Variants in MEF2C observed in about 807,000 individuals in gnomAD.
MEF2C encodes the protein myocyte enhancer factor 2C, also known as myocyte-specific enhancer factor 2C.
MEF2C carries 6 observed loss-of-function variants against 50.5 expected under a neutral mutation model. The ratio of observed to expected loss-of-function variants is 0.12; its 90% confidence interval spans 0.07 to 0.23. The LOEUF is 0.23. Ranked by LOEUF, MEF2C falls within the 10% of genes least tolerant of loss-of-function variation. MEF2C has a pLI of 1.00. For missense variants in MEF2C, 276 were observed against 605.0 expected (o/e 0.46, Z 5.70); for synonymous variants, 183 against 228.0 (o/e 0.80, Z 1.78).
chr5:88,747,601 G>A lies in MEF2C; in HGVS notation c.637+1469C>T, dbSNP rs1190571795. Among the ~76,000 whole-genome samples, 2 of 94,642 alleles carry A rather than the reference G, an allele frequency of 2.1e-5. 1 individual carries two copies. Among genetic ancestry groups the A allele is most frequent in the Non-Finnish European group, 4.6e-5 (2 of 43,738 alleles). The allele number at this position is 94,642 out of a possible 152,430, so 62.1% of individuals were successfully genotyped here. A position where few individuals can be genotyped will look rare whatever the true frequency, so the allele number is the denominator to read the frequency against. ...CCTGACCTCGTGATCCGCCCGCCTC[G>A]GCCTCCCAAAGTGCTGGGATTACAG... On this transcript the variant is annotated intron_variant, in intron 6 of 10. Coordinates refer to ENST00000504921, the MANE Select transcript of MEF2C (RefSeq NM_002397.5).
At chr5:88,808,803 A>G (rs1045171689) in intron 2 of MEF2C, among the ~76,000 whole-genome samples, 5 of 152,270 alleles carry the variant, frequency 3.3e-5, no homozygotes, top group South Asian at 2.1e-4. Context: ...ATGCCACTCA[A>G]TAACAAAGAT....
At chr5:88,743,416 T>C in intron 6 of MEF2C, 1 of 985,370 alleles carries the variant, frequency 1.0e-6, no homozygotes, top group Non-Finnish European at 1.2e-6. Context: ...AAACAAATAC[T>C]TGCAAAACAA....
intron 1 of MEF2C, among the ~76,000 whole-genome samples, chr5:88,840,950 C>T (rs1003371245): frequency 6.6e-6 from 1 of 152,146 alleles, no homozygotes; most frequent in African/African-American, 2.4e-5. Flanking sequence ...ATTCTCATAG[C>T]ACCAGTTCTT....
At chr5:88,766,779 C>A in intron 3 of MEF2C, 1 of 985,316 alleles carries the variant, frequency 1.0e-6, no homozygotes, top group Non-Finnish European at 1.2e-6. Context: ...GTGTCAAGAA[C>A]ACATGCAGGA....
chr5:88,866,717 T>C (rs1183813442), intron 1 of MEF2C, among the ~76,000 whole-genome samples: 2 of 152,232 alleles, frequency 1.3e-5, no homozygotes, highest in Non-Finnish European at 2.9e-5. Context: ...TCAGTAGTTA[T>C]TTCACATCTA....
intron 10 of MEF2C, among the ~76,000 whole-genome samples, chr5:88,723,657 G>A (rs42850): frequency 0.46 from 70,440 of 152,068 alleles, 18,575 homozygotes; most frequent in East Asian, 0.59. Flanking sequence ...AGTTACATGA[G>A]ATGAAAATAC....
At chr5:88,861,995 T>C (rs958453853) in intron 1 of MEF2C, among the ~76,000 whole-genome samples, 2 of 152,200 alleles carry the variant, frequency 1.3e-5, no homozygotes, top group Non-Finnish European at 2.9e-5. Flanking sequence ...CACTGGGAAA[T>C]GGTATTAGTA....
chr5:88,794,230 A>G (rs905000049), intron 3 of MEF2C, among the ~76,000 whole-genome samples: 3 of 152,216 alleles, frequency 2.0e-5, no homozygotes, highest in Admixed American at 6.5e-5. Context: ...ACTGTCTTCC[A>G]CAATGGTTGA....
chr5:88,812,281 A>G (rs1239376675), intron 2 of MEF2C, among the ~76,000 whole-genome samples: 2 of 152,166 alleles, frequency 1.3e-5, no homozygotes, highest in Admixed American at 6.5e-5. Context: ...GGCTAAATAA[A>G]TAAATGTTGA....
chr5:88,794,094 G>A (rs147943889), intron 3 of MEF2C, among the ~76,000 whole-genome samples: 129 of 152,158 alleles, frequency 8.5e-4, no homozygotes, highest in African/African-American at 2.7e-3. Context: ...GAATAGTGCC[G>A]CAATAAACAT....
intron 1 of MEF2C, among the ~76,000 whole-genome samples, chr5:88,857,127 A>G (rs1823716520): frequency 6.6e-6 from 1 of 152,236 alleles, no homozygotes; most frequent in East Asian, 1.9e-4. Context: ...CACCTTTTGC[A>G]TCAGCATGAC....
At chr5:88,857,322 C>T (rs973733086) in intron 1 of MEF2C, among the ~76,000 whole-genome samples, 1 of 152,090 alleles carries the variant, frequency 6.6e-6, no homozygotes, top group South Asian at 2.1e-4. Context: ...AACTAACATG[C>T]TTTTGATTTT....
At chr5:88,810,805 G>C (rs1802456538) in intron 2 of MEF2C, among the ~76,000 whole-genome samples, 1 of 152,072 alleles carries the variant, frequency 6.6e-6, no homozygotes, top group Non-Finnish European at 1.5e-5. Flanking sequence ...AGGAAGGCAG[G>C]CTTATCAGAT....
At chr5:88,825,743 A>G (rs151019645) in intron 1 of MEF2C, 3 of 483,612 alleles carry the variant, frequency 6.2e-6, no homozygotes, top group Middle Eastern at 1.1e-3. Flanking sequence ...GTGTGTTAGA[A>G]TGGTATTTCC....
chr5:88,742,190 G>C (rs1767146694), intron 6 of MEF2C: 1 of 985,206 alleles, frequency 1.0e-6, no homozygotes, highest in Non-Finnish European at 1.2e-6. Flanking sequence ...CCCCCCTTCA[G>C]CATCTGCTCT....
chr5:88,867,316 G>A (rs1000811439), intron 1 of MEF2C, among the ~76,000 whole-genome samples: 1 of 152,138 alleles, frequency 6.6e-6, no homozygotes, highest in African/African-American at 2.4e-5. Context: ...TTATCTAACA[G>A]ATAAGATCAT....
upstream of MEF2C, among the ~76,000 whole-genome samples, chr5:88,885,650 A>G (rs1054292213): frequency 2.6e-5 from 4 of 152,274 alleles, no homozygotes; most frequent in African/African-American, 9.6e-5. Context: ...TATTTCGAAT[A>G]CTAAGATATG....
intron 6 of MEF2C, chr5:88,736,617 G>A: frequency 2.0e-6 from 2 of 984,060 alleles, no homozygotes; most frequent in Non-Finnish European, 2.4e-6. Flanking sequence ...CTTCAGAGGA[G>A]TTCCTTAAAG....
At chr5:88,856,385 T>A (rs4373304) in intron 1 of MEF2C, among the ~76,000 whole-genome samples, 1 of 151,962 alleles carries the variant, frequency 6.6e-6, no homozygotes, top group Non-Finnish European at 1.5e-5. Flanking sequence ...AAATTTGCAG[T>A]CTGACAATGA....
Sources: allele counts gnomAD v4.1 joint callset (sites outside exome capture counted in the v4.1 genomes callset), GRCh38; gene constraint gnomAD v4.1.1; transcripts MANE v1.5; gene names NCBI Gene and HGNC (gene_info 2026-07-23, HGNC 2026-07-21).